SHISA9: variants seen among roughly 807,000 people sequenced by gnomAD.
SHISA9 encodes protein shisa-9.
SHISA9 carries 13 observed loss-of-function variants against 38.0 expected under a neutral mutation model. The ratio of observed to expected loss-of-function variants is 0.34; its 90% CI spans 0.22 to 0.54. The LOEUF is 0.54. Among genes scored for constraint, SHISA9 ranks in the 20% least tolerant of loss-of-function variants. SHISA9 has a pLI of 0.91. For synonymous variants in SHISA9, 275 were observed against 242.0 expected, an observed-to-expected ratio of 1.14 and a Z score of -1.27; for missense variants, 538 against 575.8, an observed-to-expected ratio of 0.93 and a Z score of 0.67.
the SHISA9 span, among the ~76,000 whole-genome samples, chr16:13,361,722 G>T: frequency 1.3e-5 from 2 of 152,106 alleles, no homozygotes; most frequent in African/African-American, 2.4e-5. Context: ...CCTGATGGTT[G>T]TTCCTTCCCA....
chr16:12,983,549 C>G (rs1312942054), intron 2 of SHISA9, among the ~76,000 whole-genome samples: 2 of 152,162 alleles, frequency 1.3e-5, no homozygotes, highest in Admixed American at 1.3e-4. Flanking sequence ...AGTGCAGTGG[C>G]ACAATCTCGG....
At chr16:13,523,609 A>G in the SHISA9 span, among the ~76,000 whole-genome samples, 14 of 152,320 alleles carry the variant, frequency 9.2e-5, no homozygotes, top group African/African-American at 3.1e-4. Context: ...AAGCAGGAGC[A>G]AACAAGAGCG....
the SHISA9 span, among the ~76,000 whole-genome samples, chr16:13,311,296 C>T: frequency 1.1e-4 from 16 of 151,682 alleles, no homozygotes; most frequent in Admixed American, 3.3e-4. Flanking sequence ...TTTAAATTTC[C>T]GCTAAAGAAT....
the SHISA9 span, among the ~76,000 whole-genome samples, chr16:13,392,934 C>G: frequency 6.2e-4 from 94 of 152,334 alleles, no homozygotes; most frequent in African/African-American, 2.1e-3. Flanking sequence ...TTTTGGCCCT[C>G]CAGAGCTGTG....
At chr16:13,246,627 G>C in the SHISA9 span, among the ~76,000 whole-genome samples, 2 of 152,096 alleles carry the variant, frequency 1.3e-5, no homozygotes, top group East Asian at 1.9e-4. Context: ...CTTCTTGCTG[G>C]GGCTCTGAGC....
At chr16:13,375,967 A>G in the SHISA9 span, among the ~76,000 whole-genome samples, 2 of 152,130 alleles carry the variant, frequency 1.3e-5, no homozygotes, top group African/African-American at 4.8e-5. Flanking sequence ...GGGGTTTCAA[A>G]TAGTGGGAAA....
chr16:13,321,364 G>A, the SHISA9 span, among the ~76,000 whole-genome samples: 1 of 152,206 alleles, frequency 6.6e-6, no homozygotes, highest in African/African-American at 2.4e-5. Flanking sequence ...ACGAATGAAT[G>A]ATTTTTCTCT....
the SHISA9 span, among the ~76,000 whole-genome samples, chr16:13,286,027 C>T: frequency 6.6e-6 from 1 of 152,110 alleles, no homozygotes; most frequent in African/African-American, 2.4e-5. Context: ...ATTCAAAGCT[C>T]ACTGGGATAA....
the SHISA9 span, among the ~76,000 whole-genome samples, chr16:13,407,488 T>G: frequency 6.6e-6 from 1 of 152,176 alleles, no homozygotes; most frequent in African/African-American, 2.4e-5. Flanking sequence ...ACACTGGCCA[T>G]TAGGATTTAA....
rs536768540 is a variant in SHISA9, at chr16:13,152,665, GTGCCAGGCAAGGATGGAACACCCAGTT to G, written c.692-50699_692-50673del. On this transcript the variant is annotated intron_variant, in intron 2 of 4. Coordinates refer to ENST00000558583, the MANE Select transcript of SHISA9 (RefSeq NM_001145204.3). ...AATCTTGGGTCACATGTCCAGTCAT[GTGCCAGGCAAGGATGGAACACCCAGTT>G]TGCCAGGCAAGGATGGAACACCCAG... 3.1e-3 allele frequency among the ~76,000 whole-genome samples: 468 copies of G among 152,234 alleles called. 6 individuals are homozygous for G. Among genetic ancestry groups the G allele is most frequent in the African/African-American group, 9.2e-3 (381 of 41,524 alleles).
chr16:12,915,915 A>G (rs2071247625), intron 1 of SHISA9, among the ~76,000 whole-genome samples: 1 of 151,094 alleles, frequency 6.6e-6, no homozygotes, highest in Non-Finnish European at 1.5e-5. Context: ...GAAAAAATGC[A>G]TTGGTAGGTC....
the SHISA9 span, among the ~76,000 whole-genome samples, chr16:13,471,668 C>A: frequency 1.4e-5 from 2 of 142,656 alleles, no homozygotes; most frequent in Non-Finnish European, 3.1e-5. Context: ...AGCTACCTGA[C>A]CTGCAGTGGA....
intron 2 of SHISA9, among the ~76,000 whole-genome samples, chr16:13,136,169 G>T (rs1044768825): frequency 2.6e-5 from 4 of 152,018 alleles, no homozygotes; most frequent in African/African-American, 9.7e-5. Flanking sequence ...GAGAGACTTG[G>T]GTTTGAATTC....
At chr16:13,122,246 G>A (rs932375363) in intron 2 of SHISA9, among the ~76,000 whole-genome samples, 8 of 152,176 alleles carry the variant, frequency 5.3e-5, no homozygotes, top group South Asian at 2.1e-4. Flanking sequence ...AGTCACTGCC[G>A]AATTCTTTTG....
intron 4 of SHISA9, among the ~76,000 whole-genome samples, chr16:13,233,017 TG>T (rs1475781031): frequency 1.3e-5 from 2 of 152,234 alleles, no homozygotes; most frequent in Admixed American, 6.5e-5. Flanking sequence ...ACTTTTTTTT[TG>T]CAGGGCCATT....
the SHISA9 span, among the ~76,000 whole-genome samples, chr16:13,396,938 G>T: frequency 6.6e-6 from 1 of 151,974 alleles, no homozygotes; most frequent in Non-Finnish European, 1.5e-5. Flanking sequence ...CATATATGTG[G>T]ATTTTCTTCC....
At chr16:12,943,856 T>C (rs977191059) in intron 2 of SHISA9, among the ~76,000 whole-genome samples, 5 of 152,224 alleles carry the variant, frequency 3.3e-5, no homozygotes, top group Non-Finnish European at 7.3e-5. Flanking sequence ...TAGCTCAGGG[T>C]TCACATCTTG....
chr16:13,358,954 A>C, the SHISA9 span, among the ~76,000 whole-genome samples: 3 of 152,210 alleles, frequency 2.0e-5, no homozygotes, highest in Non-Finnish European at 4.4e-5. Context: ...AACTTAGCAG[A>C]TTACTGATGG....
chr16:13,188,739 G>A (rs1280065304), intron 2 of SHISA9, among the ~76,000 whole-genome samples: 2 of 120,386 alleles, frequency 1.7e-5, no homozygotes, highest in Non-Finnish European at 3.7e-5. Context: ...AAAAAAAAAA[G>A]GTATGAGGAA....
Sources: allele counts gnomAD v4.1 joint callset (sites outside exome capture counted in the v4.1 genomes callset), GRCh38; gene constraint gnomAD v4.1.1; transcripts MANE v1.5; gene names NCBI Gene and HGNC (gene_info 2026-07-23, HGNC 2026-07-21).